CDH12: variants seen among roughly 807,000 people sequenced by gnomAD.
The protein encoded by CDH12 is cadherin 12, also known as cadherin-12.
In CDH12, 41 loss-of-function variants were observed where a neutral mutation model predicts 74.1. That is an observed-to-expected ratio of 0.55 (90% CI 0.43 to 0.72). The LOEUF (loss-of-function observed/expected upper bound fraction) is 0.72, where lower values mean the gene tolerates loss of function less well. Ranked by LOEUF, CDH12 falls within the 30% of genes least tolerant of loss-of-function variation. The probability of loss-of-function intolerance (pLI) is 0.00; values close to 1 mark genes in which losing one functional copy is unlikely to be tolerated. For synonymous variants in CDH12, 399 were observed against 355.0 expected (o/e 1.12, Z -1.39); for missense variants, 945 against 977.2 (o/e 0.97, Z 0.44).
At chr5:22,275,726 A>C (rs185211214) in intron 3 of CDH12, among the ~76,000 whole-genome samples, 1 of 152,326 alleles carries the variant, frequency 6.6e-6, no homozygotes, top group Admixed American at 6.5e-5. Context: ...GGTTAAAATC[A>C]TTTTCAATGT....
At chr5:22,622,952 C>T (rs552690875) in intron 1 of CDH12, among the ~76,000 whole-genome samples, 1 of 152,280 alleles carries the variant, frequency 6.6e-6, no homozygotes, top group African/African-American at 2.4e-5. Flanking sequence ...TCCAGCAGCA[C>T]ATCAAAAAGC....
intron 1 of CDH12, among the ~76,000 whole-genome samples, chr5:22,654,475 A>AG (rs1273909453): frequency 6.6e-6 from 1 of 151,752 alleles, no homozygotes; most frequent in Non-Finnish European, 1.5e-5. Flanking sequence ...TTTTTAGTAG[A>AG]GACAGGGTTT....
intron 4 of CDH12, among the ~76,000 whole-genome samples, chr5:22,100,822 G>C (rs544985437): frequency 1.6e-4 from 24 of 151,866 alleles, no homozygotes; most frequent in African/African-American, 5.1e-4. Flanking sequence ...TATACCACTG[G>C]GGATATAAAT....
chr5:22,825,567 C>T (rs1736278418), intron 1 of CDH12, among the ~76,000 whole-genome samples: 1 of 152,040 alleles, frequency 6.6e-6, no homozygotes, highest in Non-Finnish European at 1.5e-5. Context: ...GCTGCTTGGC[C>T]AAATGTGAGT....
chr5:22,721,114 C>T (rs1743859731), intron 1 of CDH12, among the ~76,000 whole-genome samples: 2 of 152,218 alleles, frequency 1.3e-5, no homozygotes, highest in Non-Finnish European at 2.9e-5. Flanking sequence ...CCATCACAGG[C>T]CTGAAGGCCT....
At chr5:22,221,099 G>A (rs1751999826) in intron 3 of CDH12, among the ~76,000 whole-genome samples, 1 of 151,770 alleles carries the variant, frequency 6.6e-6, no homozygotes, top group South Asian at 2.1e-4. Flanking sequence ...ACTGTTCGAT[G>A]TATTTAGAGG....
intron 4 of CDH12, among the ~76,000 whole-genome samples, chr5:22,137,564 T>A (rs6874548): frequency 0.15 from 22,743 of 152,076 alleles, 2,007 homozygotes; most frequent in African/African-American, 0.25. Context: ...CACATGCATG[T>A]ATTAGAAGTC....
intron 3 of CDH12, among the ~76,000 whole-genome samples, chr5:22,325,285 G>A (rs911224188): frequency 1.3e-5 from 2 of 151,974 alleles, no homozygotes; most frequent in Non-Finnish European, 2.9e-5. Context: ...ATGAATACAA[G>A]TTATAGTACT....
chr5:21,947,101 G>C (rs111612688), intron 6 of CDH12, among the ~76,000 whole-genome samples: 1 of 152,180 alleles, frequency 6.6e-6, no homozygotes, highest in Admixed American at 6.5e-5. Context: ...CACCATGATT[G>C]TAAGTTTTCT....
At chr5:22,355,514 TA>T (rs34776687) in intron 3 of CDH12, among the ~76,000 whole-genome samples, 1,712 of 139,016 alleles carry the variant, frequency 0.012, 20 homozygotes, top group African/African-American at 0.027. Flanking sequence ...TATATTTCCT[TA>T]AAAAAAAAAT....
chr5:22,648,991 A>G (rs567050651), intron 1 of CDH12, among the ~76,000 whole-genome samples: 1 of 151,308 alleles, frequency 6.6e-6, no homozygotes, highest in South Asian at 2.1e-4. Flanking sequence ...CTAATTATGA[A>G]TATATGACAT....
chr5:22,699,951 G>A (rs964664746), intron 1 of CDH12, among the ~76,000 whole-genome samples: 10 of 152,188 alleles, frequency 6.6e-5, no homozygotes, highest in African/African-American at 2.2e-4. Flanking sequence ...GAGGCAGGCA[G>A]ATTGTTTGAG....
chr5:22,755,902 GA>G (rs1450058331), intron 1 of CDH12, among the ~76,000 whole-genome samples: 2 of 151,760 alleles, frequency 1.3e-5, no homozygotes, highest in Non-Finnish European at 2.9e-5. Context: ...TTAGAACTGT[GA>G]AAAATGGGTA....
At chr5:22,646,215 A>G (rs945606814) in intron 1 of CDH12, among the ~76,000 whole-genome samples, 1 of 151,846 alleles carries the variant, frequency 6.6e-6, no homozygotes, top group Non-Finnish European at 1.5e-5. Context: ...AAGTAGAAAC[A>G]TTTTACCTAA....
chr5:22,352,425 A>G (rs1740393097), intron 3 of CDH12, among the ~76,000 whole-genome samples: 1 of 152,082 alleles, frequency 6.6e-6, no homozygotes, highest in Non-Finnish European at 1.5e-5. Context: ...AATAACAAAA[A>G]CCCCTACAAT....
intron 6 of CDH12, among the ~76,000 whole-genome samples, chr5:21,967,971 G>A (rs986020843): frequency 3.3e-5 from 5 of 152,046 alleles, no homozygotes; most frequent in Admixed American, 6.6e-5. Flanking sequence ...ACAAATCAAC[G>A]GCTTGTCTCC....
chr5:22,562,065 C>G (rs1447641154), intron 1 of CDH12, among the ~76,000 whole-genome samples: 1 of 152,164 alleles, frequency 6.6e-6, no homozygotes, highest in Non-Finnish European at 1.5e-5. Context: ...CGCCTGTAAT[C>G]CCAGCACTTT....
chr5:22,659,417 T>C (rs918882556), intron 1 of CDH12, among the ~76,000 whole-genome samples: 1 of 152,114 alleles, frequency 6.6e-6, no homozygotes, highest in African/African-American at 2.4e-5. Context: ...TTTTATATAG[T>C]GTTAATGAAA....
chr5:21,860,176 A>T (rs1476605159), intron 6 of CDH12, among the ~76,000 whole-genome samples: 1 of 152,056 alleles, frequency 6.6e-6, no homozygotes, highest in Non-Finnish European at 1.5e-5. Context: ...TTTGTTAAGA[A>T]TATGTTTGTG....
Sources: gnomAD v4.1 joint callset for allele counts (sites outside exome capture counted in the v4.1 genomes callset) on GRCh38, gnomAD v4.1.1 for gene constraint, MANE v1.5 for transcripts, NCBI Gene and HGNC (gene_info 2026-07-23, HGNC 2026-07-21) for gene names.